The following TNIK variants were observed in gnomAD, a reference collection of about 807,000 sequenced individuals.
TNIK encodes the protein TRAF2 and NCK interacting kinase.
In TNIK, 49 loss-of-function variants were observed where a neutral mutation model predicts 191.3. The observed-to-expected ratio is 0.26, with a 90% CI of 0.20 to 0.32. TNIK has a LOEUF of 0.32. TNIK is among the 10% of genes least tolerant of loss of function. The pLI, the probability that TNIK is intolerant of heterozygous loss-of-function variation, is 1.00. For synonymous variants in TNIK, 594 were observed against 600.9 expected, an observed-to-expected ratio of 0.99 and a Z score of 0.17; for missense variants, 1,155 against 1,702.3, an observed-to-expected ratio of 0.68 and a Z score of 5.66.
rs770936655 is a variant in TNIK at position 171,066,322 on chromosome 3, G to A, written c.3864C>T (p.Tyr1288=). ...QWGEMPTSVA[Y]IHSNQIMGWG... is the part of the protein sequence containing the mutation. ...AGCCCATTATCTGATTGGAATGAAT[G>A]TAGGCTGTCAAAAGGAATTTCCAAA... is the stretch of plus-strand genomic sequence containing the variant. The change falls in exon 32 of 33, where the codon TAC becomes TAT. Residue 1288 remains tyrosine, a synonymous_variant. Coordinates refer to ENST00000436636, the MANE Select transcript of TNIK (RefSeq NM_015028.4). 9 of 1,613,744 alleles carry A rather than the reference G, an allele frequency of 5.6e-6. No homozygotes were observed. Among genetic ancestry groups the A allele is most frequent in the Non-Finnish European group, 7.6e-6 (9 of 1,179,826 alleles).
intron 4 of TNIK, among the ~76,000 whole-genome samples, chr3:171,195,461 A>T (rs1738568229): frequency 6.6e-6 from 1 of 152,188 alleles, no homozygotes; most frequent in African/African-American, 2.4e-5. Flanking sequence ...ATTCAGAATA[A>T]CTAGCAATCA....
intron 2 of TNIK, among the ~76,000 whole-genome samples, chr3:171,367,109 TATC>T (rs113816150): frequency 0.024 from 3,663 of 152,268 alleles, 155 homozygotes; most frequent in African/African-American, 0.083. Context: ...AGAAAATACT[TATC>T]ATATGATTTT....
chr3:171,443,285 A>G (rs545912386), intron 1 of TNIK, among the ~76,000 whole-genome samples: 3 of 152,322 alleles, frequency 2.0e-5, no homozygotes, highest in South Asian at 2.1e-4. Flanking sequence ...TTGGAGCTCA[A>G]TTGAAAAATC....
At chr3:171,284,614 A>AT (rs1429796448) in intron 2 of TNIK, among the ~76,000 whole-genome samples, 1 of 96,754 alleles carries the variant, frequency 1.0e-5, no homozygotes, top group Non-Finnish European at 2.5e-5. Context: ...ATGCTAAAAA[A>AT]AAAATAAAAA....
chr3:171,084,776 A>G (rs1721129479), intron 25 of TNIK, among the ~76,000 whole-genome samples: 1 of 152,176 alleles, frequency 6.6e-6, no homozygotes, highest in South Asian at 2.1e-4. Context: ...AATGTACCAT[A>G]CACTTATTAA....
At chr3:171,362,954 C>G (rs1428777927) in intron 2 of TNIK, among the ~76,000 whole-genome samples, 1 of 152,198 alleles carries the variant, frequency 6.6e-6, no homozygotes, top group African/African-American at 2.4e-5. Flanking sequence ...TCTGCCTGGA[C>G]AGCATTAATT....
chr3:171,409,069 A>C (rs1722077730), intron 1 of TNIK, among the ~76,000 whole-genome samples: 1 of 151,924 alleles, frequency 6.6e-6, no homozygotes, highest in Non-Finnish European at 1.5e-5. Context: ...TTTTATAGTT[A>C]TTTTCTTTTT....
intron 1 of TNIK, among the ~76,000 whole-genome samples, chr3:171,411,039 T>A (rs1459107027): frequency 6.6e-6 from 1 of 151,408 alleles, no homozygotes; most frequent in Non-Finnish European, 1.5e-5. Flanking sequence ...CACATGTAGA[T>A]GTCCACTCCT....
At chr3:171,429,577 C>A (rs1247006577) in intron 1 of TNIK, among the ~76,000 whole-genome samples, 1 of 152,236 alleles carries the variant, frequency 6.6e-6, no homozygotes, top group East Asian at 1.9e-4. Context: ...AACTCTTCAA[C>A]CAGATATTAA....
chr3:171,203,996 A>G (rs1331007221), intron 4 of TNIK, among the ~76,000 whole-genome samples: 1 of 152,232 alleles, frequency 6.6e-6, no homozygotes, highest in African/African-American at 2.4e-5. Flanking sequence ...TGGTATCAAA[A>G]AAGACAGCAA....
chr3:171,399,656 C>CA (rs993258255), intron 1 of TNIK, among the ~76,000 whole-genome samples: 2 of 150,954 alleles, frequency 1.3e-5, no homozygotes, highest in African/African-American at 4.9e-5. Flanking sequence ...ATATTATTAC[C>CA]AAAAAACAAA....
intron 12 of TNIK, among the ~76,000 whole-genome samples, chr3:171,142,593 G>A (rs1437534474): frequency 6.6e-6 from 1 of 152,216 alleles, no homozygotes; most frequent in African/African-American, 2.4e-5. Context: ...AGAAGAGCAG[G>A]AAAAGTAGGA....
At chr3:171,194,105 A>C (rs954390762) in intron 5 of TNIK, among the ~76,000 whole-genome samples, 4 of 152,230 alleles carry the variant, frequency 2.6e-5, no homozygotes, top group African/African-American at 9.6e-5. Flanking sequence ...GTATTACACC[A>C]TTAGGGATAA....
chr3:171,063,696 T>C lies in TNIK; in HGVS notation c.*185A>G, dbSNP rs1314357293. ...AATTCCTGCCACCTTTTTCTCTCCT[T>C]CTCAACCAGGCTGCAACATTGAAAG... On this transcript the variant is annotated 3_prime_UTR_variant, in exon 33 of 33. Coordinates refer to ENST00000436636, the MANE Select transcript of TNIK (RefSeq NM_015028.4). 18 of 524,402 alleles carry C rather than the reference T, an allele frequency of 3.4e-5. No homozygotes were observed. In the East Asian group the frequency reaches 3.8e-4, roughly 11 times the overall value. The allele number at this position is 524,402 out of a possible 1,614,324, so 32.5% of individuals were successfully genotyped here.
At chr3:171,176,152 T>C (rs1735928811) in intron 8 of TNIK, among the ~76,000 whole-genome samples, 1 of 152,220 alleles carries the variant, frequency 6.6e-6, no homozygotes, top group Non-Finnish European at 1.5e-5. Flanking sequence ...CAGAAGTTTA[T>C]TTTTAGCCCT....
chr3:171,275,712 T>C (rs1050298793), intron 2 of TNIK, among the ~76,000 whole-genome samples: 27 of 151,756 alleles, frequency 1.8e-4, no homozygotes, highest in Non-Finnish European at 3.5e-4. Context: ...CTGGCTAACA[T>C]GGTGAAACCC....
At chr3:171,314,730 A>G (rs894427868) in intron 2 of TNIK, among the ~76,000 whole-genome samples, 53 of 152,250 alleles carry the variant, frequency 3.5e-4, no homozygotes, top group African/African-American at 1.2e-3. Flanking sequence ...TAAATAATAA[A>G]ACACAATAAA....
intron 28 of TNIK, 151 bp downstream of exon 28, chr3:171,079,367 A>C: frequency 1.1e-6 from 1 of 951,500 alleles, no homozygotes; most frequent in South Asian, 3.1e-5. Context: ...CTGGCTTTTA[A>C]AAAATATAAA....
At chr3:171,407,038 C>A (rs1397300705) in intron 1 of TNIK, among the ~76,000 whole-genome samples, 2 of 152,146 alleles carry the variant, frequency 1.3e-5, no homozygotes, top group African/African-American at 2.4e-5. Flanking sequence ...CAGGAAGAAG[C>A]CCCTCCAGCA....
Sources: gnomAD v4.1 joint callset for allele counts (sites outside exome capture counted in the v4.1 genomes callset) on GRCh38, gnomAD v4.1.1 for gene constraint, MANE v1.5 for transcripts, NCBI Gene and HGNC (gene_info 2026-07-23, HGNC 2026-07-21) for gene names.